The following FAM219A variants were observed in gnomAD, a reference collection of about 807,000 sequenced individuals.
FAM219A encodes the protein protein FAM219A.
In FAM219A, 7 loss-of-function variants were observed where a neutral mutation model predicts 23.4. The observed-to-expected ratio is 0.30, with a 90% CI of 0.17 to 0.56. The LOEUF (loss-of-function observed/expected upper bound fraction) is 0.56, where lower values mean the gene tolerates loss of function less well. Ranked by LOEUF, FAM219A falls within the 20% of genes least tolerant of loss-of-function variation. FAM219A has a pLI of 0.92. For missense variants in FAM219A, 166 were observed against 246.9 expected (o/e 0.67, Z 2.20); for synonymous variants, 93 against 99.0 (o/e 0.94, Z 0.36).
chr9:34,398,760 G>A lies in FAM219A; in HGVS notation c.*2204C>T, dbSNP rs1005406548. On this transcript the variant is annotated 3_prime_UTR_variant, in exon 6 of 6. Coordinates refer to ENST00000651358, the MANE Select transcript of FAM219A (RefSeq NM_001184940.2). ...CGGGGTGGTGGTGGTGGTAGTGGGA[G>A]GGCTGGCTCTGGGGTCCAGATGATG... The A allele has an allele frequency of 4.4e-6, 1 of 224,950 alleles. No individual in the cohort carries two copies. Among genetic ancestry groups the A allele is most frequent in the South Asian group, 8.1e-5 (1 of 12,370 alleles). 13.9% of individuals were successfully genotyped at this position (224,950 alleles called of 1,614,324 possible).
intron 5 of FAM219A, 89 bp from the exon 6 acceptor site, chr9:34,401,211 G>A (rs1821414754): frequency 1.4e-6 from 2 of 1,466,978 alleles, no homozygotes; most frequent in Non-Finnish European, 1.9e-6. Context: ...CTGCGCCCCA[G>A]TCCAGCCAGT....
chr9:34,405,893 G>C lies in FAM219A; in HGVS notation c.132C>G (p.Tyr44Ter). 1.2e-6 allele frequency: 2 copies of C among 1,614,064 alleles called. No homozygotes were observed. Among genetic ancestry groups the C allele is most frequent in the Non-Finnish European group, 1.7e-6 (2 of 1,179,980 alleles). The change falls in exon 2 of 6, where the codon TAC (tyrosine) becomes TAG (stop). Residue 44 changes from tyrosine to a stop codon, truncating the protein, a stop_gained. Transcript: ENST00000651358. LOFTEE classifies it high-confidence loss of function. ...AREGESVAMN[Y>*]KPSPLQVKLE... ...GCTTCACTTGGAGCGGGGATGGTTT[G>C]TAATTCATGGCTACTGACTCACCCT... is the stretch of plus-strand genomic sequence containing the variant.
At chr9:34,428,238 G>A (rs771501571) in intron 1 of FAM219A, among the ~76,000 whole-genome samples, 6 of 152,170 alleles carry the variant, frequency 3.9e-5, no homozygotes, top group African/African-American at 1.4e-4. Context: ...CCAAGGCAGG[G>A]AAACTCTTCA....
At chr9:34,413,171 G>A (rs1821885110) in intron 1 of FAM219A, among the ~76,000 whole-genome samples, 2 of 151,358 alleles carry the variant, frequency 1.3e-5, no homozygotes, top group Admixed American at 1.3e-4. Context: ...AGGAAGGTGA[G>A]GTGAGGAGAG....
At chr9:34,420,973 C>CGT (rs533243353) in intron 1 of FAM219A, among the ~76,000 whole-genome samples, 2,213 of 132,622 alleles carry the variant, frequency 0.017, 56 homozygotes, top group African/African-American at 0.062. Context: ...GAGTGAAACT[C>CGT]GTGTGTGTGT....
At chr9:34,446,583 A>G (rs192939579) in intron 1 of FAM219A, among the ~76,000 whole-genome samples, 1 of 152,364 alleles carries the variant, frequency 6.6e-6, no homozygotes, top group Non-Finnish European at 1.5e-5. Context: ...AACTGATACC[A>G]TAGAGAATGT....
intron 1 of FAM219A, among the ~76,000 whole-genome samples, chr9:34,430,190 T>C (rs1159861809): frequency 6.6e-6 from 1 of 152,108 alleles, no homozygotes; most frequent in African/African-American, 2.4e-5. Flanking sequence ...GAAGAGGTCA[T>C]GCCCCTTTCA....
intron 1 of FAM219A, among the ~76,000 whole-genome samples, chr9:34,444,349 C>A (rs1481092665): frequency 6.6e-6 from 1 of 152,190 alleles, no homozygotes; most frequent in Non-Finnish European, 1.5e-5. Context: ...GGCTGGCACT[C>A]TTCCTTTCCT....
chr9:34,424,080 G>C (rs1822372970), intron 1 of FAM219A, among the ~76,000 whole-genome samples: 1 of 152,176 alleles, frequency 6.6e-6, no homozygotes, highest in African/African-American at 2.4e-5. Context: ...GAGGGGTAGG[G>C]AACCAAGAAG....
At chr9:34,440,869 T>TA (rs1564015262) in intron 1 of FAM219A, among the ~76,000 whole-genome samples, 1 of 149,294 alleles carries the variant, frequency 6.7e-6, no homozygotes, top group African/African-American at 2.5e-5. Context: ...AAAAAAAAAA[T>TA]TTTTAAAGAA....
At position 34,410,535 on chromosome 9, in the gene FAM219A, G is replaced by A. The variant is rs1238575349; in HGVS notation, c.61-4571C>T. On this transcript the variant is annotated intron_variant, in intron 1 of 5. Coordinates refer to ENST00000651358, the MANE Select transcript of FAM219A (RefSeq NM_001184940.2). ...AAAAATAAAACTTGTAGAGGGTCTTGTAGTTCCTAATGTATGTCTTCAGAT... is the reference window on the plus strand; with the variant it reads ...AAAAATAAAACTTGTAGAGGGTCTTATAGTTCCTAATGTATGTCTTCAGAT... Among the ~76,000 whole-genome samples, 6 of 152,160 alleles carry A rather than the reference G, an allele frequency of 3.9e-5. No homozygotes were observed. The East Asian group carries it at 1.2e-3, about 29-fold the overall frequency.
intron 2 of FAM219A, among the ~76,000 whole-genome samples, chr9:34,403,059 G>A (rs1244554699): frequency 6.6e-6 from 1 of 152,188 alleles, no homozygotes; most frequent in Non-Finnish European, 1.5e-5. Flanking sequence ...CCCATGTTAG[G>A]GTAGTTAGTG....
intron 1 of FAM219A, among the ~76,000 whole-genome samples, chr9:34,435,073 A>G (rs574752432): frequency 2.0e-5 from 3 of 152,292 alleles, no homozygotes; most frequent in Admixed American, 6.5e-5. Context: ...TGCCTGCCTC[A>G]GCCTCCCAAA....
At position 34,402,426 on chromosome 9, in the gene FAM219A, C is replaced by T; in HGVS notation, c.305G>A (p.Ser102Asn). 1.2e-6 allele frequency: 2 copies of T among 1,614,212 alleles called. No homozygotes were observed. The highest frequency in any genetic ancestry group is 1.7e-6 in the Non-Finnish European group (2 of 1,180,032). The change falls in exon 4 of 6, where the codon AGC becomes AAC. Residue 102 changes from serine to asparagine, a missense_variant. By Grantham distance (46) the Ser-to-Asn change is conservative. Coordinates refer to ENST00000651358, the MANE Select transcript of FAM219A (RefSeq NM_001184940.2). ...GGCTACCAGTGGCTTCTCATCAGGG[C>T]TCTGGTCAAGTGAGGAGTAGCCTTT... ...PNKGYSSLDQ[S>N]PDEKPLVALD...
At chr9:34,455,199 A>G (rs1423407096) in intron 1 of FAM219A, among the ~76,000 whole-genome samples, 1 of 152,200 alleles carries the variant, frequency 6.6e-6, no homozygotes, top group Non-Finnish European at 1.5e-5. Context: ...AATCAATGAT[A>G]TCAGGTCTCT....
chr9:34,454,519 T>A (rs540457989), intron 1 of FAM219A, among the ~76,000 whole-genome samples: 8 of 151,998 alleles, frequency 5.3e-5, no homozygotes, highest in African/African-American at 1.9e-4. Flanking sequence ...AGCTGCTGAG[T>A]TGCAACAAGG....
At position 34,458,138 on chromosome 9, in the gene FAM219A, A is replaced by T; in HGVS notation, c.60+66T>A. 2.4e-4 allele frequency: 231 copies of T among 961,618 alleles called. No homozygotes were observed. Among genetic ancestry groups the T allele is most frequent in the Non-Finnish European group, 3.2e-4 (210 of 663,330 alleles). 59.6% of individuals were successfully genotyped at this position (961,618 alleles called of 1,614,324 possible). On this transcript the variant is annotated intron_variant, in intron 1 of 5. Transcript: ENST00000651358. The surrounding 1 kb of genome is among the most constrained non-coding windows in gnomAD (Gnocchi z 6.6). ...CCCTCCGCACGATCCCCCCGGCCTG[A>T]TTCCCTCCCTCCCCCTCAAGCGACG...
chr9:34,426,828 G>A (rs1012895717), intron 1 of FAM219A, among the ~76,000 whole-genome samples: 1 of 152,180 alleles, frequency 6.6e-6, no homozygotes, highest in Non-Finnish European at 1.5e-5. Flanking sequence ...GGGCTGCCAG[G>A]TGAGGACCAT....
At chr9:34,418,777 T>A (rs1822133631) in intron 1 of FAM219A, among the ~76,000 whole-genome samples, 1 of 152,090 alleles carries the variant, frequency 6.6e-6, no homozygotes. Flanking sequence ...AGATCTACAA[T>A]GGTTAAAATT....
Sources: allele counts gnomAD v4.1 joint callset (sites outside exome capture counted in the v4.1 genomes callset), GRCh38; gene constraint gnomAD v4.1.1; non-coding constraint Gnocchi (gnomAD v3.1); transcripts MANE v1.5; gene names NCBI Gene and HGNC (gene_info 2026-07-23, HGNC 2026-07-21).